AFG1L: variants seen among roughly 807,000 people sequenced by gnomAD.
The protein encoded by AFG1L is AFG1-like ATPase.
AFG1L carries 53 observed loss-of-function variants against 62.2 expected under a neutral mutation model. The ratio of observed to expected loss-of-function variants is 0.85; its 90% CI spans 0.68 to 1.07. AFG1L has a LOEUF of 1.07. Ranked by LOEUF, AFG1L falls within the 50% of genes least tolerant of loss-of-function variation. The pLI is 0.00. For synonymous variants in AFG1L, 228 were observed against 210.3 expected, an observed-to-expected ratio of 1.08 and a Z score of -0.73; for missense variants, 555 against 590.5, an observed-to-expected ratio of 0.94 and a Z score of 0.62.
intron 6 of AFG1L, among the ~76,000 whole-genome samples, chr6:108,392,369 A>G (rs1234701160): frequency 3.3e-5 from 5 of 152,176 alleles, no homozygotes; most frequent in Non-Finnish European, 7.4e-5. Context: ...GGTGATGTAT[A>G]TAAGTTATAT....
intron 1 of AFG1L, among the ~76,000 whole-genome samples, chr6:108,307,695 A>T (rs977658958): frequency 3.9e-5 from 6 of 152,236 alleles, no homozygotes; most frequent in African/African-American, 1.4e-4. Context: ...TTGGGCAGAT[A>T]CCAAATAATA....
chr6:108,504,212 G>C (rs764101159), intron 10 of AFG1L, among the ~76,000 whole-genome samples: 3 of 152,220 alleles, frequency 2.0e-5, no homozygotes, highest in Non-Finnish European at 4.4e-5. Flanking sequence ...AAGAGGCCTA[G>C]CTTTTGGCCT....
chr6:108,518,587 A>G (rs1774994648), intron 11 of AFG1L, among the ~76,000 whole-genome samples: 1 of 152,118 alleles, frequency 6.6e-6, no homozygotes, highest in Admixed American at 6.5e-5. Context: ...CTAACATGGC[A>G]CATGTATACA....
chr6:108,322,068 T>G (rs942450350), intron 1 of AFG1L, among the ~76,000 whole-genome samples: 8 of 152,016 alleles, frequency 5.3e-5, no homozygotes, highest in African/African-American at 1.7e-4. Flanking sequence ...AAACAAATTT[T>G]TTTTAAATTT....
At chr6:108,316,233 T>G (rs1777588743) in intron 1 of AFG1L, among the ~76,000 whole-genome samples, 1 of 146,878 alleles carries the variant, frequency 6.8e-6, no homozygotes, top group East Asian at 2.1e-4. Flanking sequence ...TACAAAAAAT[T>G]AGCCGGGCGT....
chr6:108,334,522 T>C (rs1054784649), intron 2 of AFG1L, among the ~76,000 whole-genome samples: 1 of 146,674 alleles, frequency 6.8e-6, no homozygotes, highest in African/African-American at 2.5e-5. Context: ...CAAGACTTCA[T>C]CTCTAAAAAA....
chr6:108,311,588 C>T (rs1777413631), intron 1 of AFG1L, among the ~76,000 whole-genome samples: 1 of 151,364 alleles, frequency 6.6e-6, no homozygotes, highest in Admixed American at 6.6e-5. Flanking sequence ...TCTTAAACTC[C>T]GGGGCTCAAG....
intron 11 of AFG1L, among the ~76,000 whole-genome samples, 174 bp downstream of exon 11, chr6:108,510,526 C>T (rs186124656): frequency 3.0e-4 from 45 of 152,174 alleles, no homozygotes; most frequent in African/African-American, 9.2e-4. Flanking sequence ...AGGGTTGTTG[C>T]GAGGACTAAA....
intron 8 of AFG1L, among the ~76,000 whole-genome samples, chr6:108,461,074 A>T (rs1432805080): frequency 6.6e-6 from 1 of 152,126 alleles, no homozygotes; most frequent in Non-Finnish European, 1.5e-5. Flanking sequence ...TTTTTGAATA[A>T]TTTTTTTCAT....
rs548677559 is a variant in AFG1L at position 108,354,350 on chromosome 6, C to T, written c.416-1304C>T. 6.6e-5 allele frequency among the ~76,000 whole-genome samples: 10 copies of T among 151,950 alleles called. 1 individual carries two copies. The highest frequency in any genetic ancestry group is 2.0e-4 in the Admixed American group (3 of 15,278). On this transcript the variant is annotated intron_variant, in intron 3 of 12. Coordinates refer to ENST00000368977, the MANE Select transcript of AFG1L (RefSeq NM_145315.5). ...TTAAGATGGAGTCTCTCTCTTGTCG[C>T]CCAGGCTGGAGTGCAGTGGCACGAT...
chr6:108,455,719 T>C (rs544609518), intron 8 of AFG1L, among the ~76,000 whole-genome samples: 6 of 152,308 alleles, frequency 3.9e-5, no homozygotes, highest in African/African-American at 1.4e-4. Context: ...AAGTGTGTTA[T>C]TTACTTTCTG....
At chr6:108,479,960 G>GA (rs1773266123) in intron 10 of AFG1L, among the ~76,000 whole-genome samples, 1 of 152,060 alleles carries the variant, frequency 6.6e-6, no homozygotes. Flanking sequence ...CCCTTCCAAG[G>GA]AAAAAATAAT....
At chr6:108,369,947 G>GCTGGCTATCTAT (rs1554189700) in intron 6 of AFG1L, among the ~76,000 whole-genome samples, 18 of 130,154 alleles carry the variant, frequency 1.4e-4, no homozygotes, top group Non-Finnish European at 1.9e-4. Flanking sequence ...TGGCTGGCTG[G>GCTGGCTATCTAT]CTATCTATCT....
intron 8 of AFG1L, among the ~76,000 whole-genome samples, chr6:108,455,858 A>C (rs1772234875): frequency 6.6e-6 from 1 of 152,190 alleles, no homozygotes; most frequent in African/African-American, 2.4e-5. Context: ...ATGGCCCAGA[A>C]TATGATGCAT....
intron 7 of AFG1L, among the ~76,000 whole-genome samples, chr6:108,409,481 A>G (rs1782010122): frequency 6.6e-6 from 1 of 152,168 alleles, no homozygotes; most frequent in African/African-American, 2.4e-5. Context: ...GCAGAGATGA[A>G]CTAACAAGTA....
At chr6:108,306,842 G>C (rs1777216173) in intron 1 of AFG1L, among the ~76,000 whole-genome samples, 1 of 152,118 alleles carries the variant, frequency 6.6e-6, no homozygotes. Flanking sequence ...AGTATGGTCA[G>C]CCTAGAGCCT....
At position 108,521,893 on chromosome 6, in the gene AFG1L, C is replaced by T. The variant is rs76286319; in HGVS notation, c.1318-404C>T. The T allele has an allele frequency of 2.8e-3, 442 of 155,456 alleles. 3 individuals are homozygous for T. Among genetic ancestry groups the T allele is most frequent in the African/African-American group, 0.01 (424 of 41,618 alleles). The allele number at this position is 155,456 out of a possible 1,614,324, so 9.6% of individuals were successfully genotyped here. On this transcript the variant is annotated intron_variant, in intron 12 of 12. Transcript: ENST00000368977. ...CAGACCCACTGCTCATTTGCATTTG[C>T]TCTCCTTTAGTCATTGGTTGGATTG...
chr6:108,403,200 C>A (rs1410276857), intron 7 of AFG1L, among the ~76,000 whole-genome samples: 2 of 151,886 alleles, frequency 1.3e-5, no homozygotes, highest in Non-Finnish European at 2.9e-5. Flanking sequence ...GCAAAATTTG[C>A]CAAAATATAA....
chr6:108,343,199 G>C (rs541889662), intron 2 of AFG1L, among the ~76,000 whole-genome samples: 204 of 151,942 alleles, frequency 1.3e-3, no homozygotes, highest in African/African-American at 4.7e-3. Flanking sequence ...TGAGTAGCCT[G>C]CCACCATGCC....
Sources: gnomAD v4.1 joint callset for allele counts (sites outside exome capture counted in the v4.1 genomes callset) on GRCh38, gnomAD v4.1.1 for gene constraint, MANE v1.5 for transcripts, NCBI Gene and HGNC (gene_info 2026-07-23, HGNC 2026-07-21) for gene names.